Variants in BRINP1 observed in about 807,000 individuals in gnomAD.
BRINP1 encodes the protein BMP/retinoic acid-inducible neural-specific protein 1.
In BRINP1, 17 loss-of-function variants were observed where a neutral mutation model predicts 72.9. The observed-to-expected ratio is 0.23, with a 90% CI of 0.16 to 0.35. The LOEUF is 0.35. Ranked by LOEUF, BRINP1 falls within the 10% of genes least tolerant of loss-of-function variation. The pLI is 1.00. For missense variants in BRINP1, 850 were observed against 1,001.6 expected (o/e 0.85, Z 2.04); for synonymous variants, 418 against 378.5 (o/e 1.10, Z -1.21).
At position 119,241,566 on chromosome 9, in the gene BRINP1, C is replaced by T. The variant is rs536897981; in HGVS notation, c.579+481G>A. Among the ~76,000 whole-genome samples, 10 of 152,220 alleles carry T rather than the reference C, an allele frequency of 6.6e-5. No individual in the cohort carries two copies. The South Asian group carries it at 2.1e-3, about 32-fold the overall frequency. ...AGTTATTCTCTAACTGTATAACCCT[C>T]AGAAAAAGGCTTTAAACCTTTAGCC... On this transcript the variant is annotated intron_variant, in intron 4 of 7. Coordinates refer to ENST00000265922, the MANE Select transcript of BRINP1 (RefSeq NM_014618.3).
At chr9:119,168,429 G>A (rs141670691) in intron 7 of BRINP1, among the ~76,000 whole-genome samples, 7 of 152,226 alleles carry the variant, frequency 4.6e-5, no homozygotes, top group Non-Finnish European at 5.9e-5. Context: ...GCATGACATC[G>A]TACTTTACCT....
intron 5 of BRINP1, among the ~76,000 whole-genome samples, chr9:119,235,390 CTCTG>C (rs1830184142): frequency 6.6e-6 from 1 of 152,114 alleles, no homozygotes; most frequent in Non-Finnish European, 1.5e-5. Flanking sequence ...CATAAAGATC[CTCTG>C]TCTGCCTCTC....
chr9:119,215,270 G>A (rs1028407404), intron 5 of BRINP1, among the ~76,000 whole-genome samples: 1 of 152,166 alleles, frequency 6.6e-6, no homozygotes, highest in Non-Finnish European at 1.5e-5. Flanking sequence ...TCTTAATACA[G>A]AGAGCCAATG....
chr9:119,347,354 C>G (rs534014375), intron 1 of BRINP1, among the ~76,000 whole-genome samples: 1 of 152,294 alleles, frequency 6.6e-6, no homozygotes, highest in African/African-American at 2.4e-5. Context: ...GGGCAAGTCA[C>G]AGAAACCCTT....
chr9:119,298,482 C>T (rs966583484), intron 2 of BRINP1, among the ~76,000 whole-genome samples: 1 of 152,080 alleles, frequency 6.6e-6, no homozygotes, highest in African/African-American at 2.4e-5. Context: ...CCCACCCCTC[C>T]CCTTCTTCCT....
chr9:119,198,925 G>A (rs989241575), intron 7 of BRINP1, among the ~76,000 whole-genome samples: 4 of 152,070 alleles, frequency 2.6e-5, no homozygotes, highest in South Asian at 2.1e-4. Flanking sequence ...TGCTAGCCTC[G>A]GCCTCCCAAA....
At chr9:119,282,741 G>T (rs1830725433) in intron 2 of BRINP1, 1 of 942,056 alleles carries the variant, frequency 1.1e-6, no homozygotes, top group Non-Finnish European at 1.3e-6. Context: ...CAAGAATGTT[G>T]TTCCTTTATT....
At chr9:119,264,040 T>C in intron 2 of BRINP1, among the ~76,000 whole-genome samples, 1 of 152,204 alleles carries the variant, frequency 6.6e-6, no homozygotes, top group Middle Eastern at 3.2e-3. Flanking sequence ...ACAGAGCCCC[T>C]GGAATCTGGC....
chr9:119,186,827 G>A (rs1006458492), intron 7 of BRINP1, among the ~76,000 whole-genome samples: 1 of 152,090 alleles, frequency 6.6e-6, no homozygotes, highest in Non-Finnish European at 1.5e-5. Flanking sequence ...GCCATTCCTG[G>A]TTCTTGTTTC....
At chr9:119,343,288 G>A (rs372093005) in intron 1 of BRINP1, among the ~76,000 whole-genome samples, 5 of 152,186 alleles carry the variant, frequency 3.3e-5, no homozygotes, top group African/African-American at 1.2e-4. Context: ...TCAGTGAAGG[G>A]TGAATTTTAG....
At chr9:119,298,967 AT>A (rs1830910449) in intron 2 of BRINP1, among the ~76,000 whole-genome samples, 1 of 152,090 alleles carries the variant, frequency 6.6e-6, no homozygotes, top group Non-Finnish European at 1.5e-5. Flanking sequence ...AATTGCATAT[AT>A]TTTTGGTATA....
At chr9:119,174,791 AAAATGATGAGTTCATGTCCTTT>A (rs1181313056) in intron 7 of BRINP1, among the ~76,000 whole-genome samples, 3 of 151,872 alleles carry the variant, frequency 2.0e-5, no homozygotes, top group African/African-American at 7.3e-5. Context: ...GCATCCATAA[AAAATGATGAGTTCATGTCCTTT>A]GTAGGGACAT....
At chr9:119,215,800 A>C (rs1332458) in intron 5 of BRINP1, among the ~76,000 whole-genome samples, 151,876 of 152,158 alleles carry the variant, frequency 1, 75,798 homozygotes, top group Middle Eastern at 1. Flanking sequence ...ACGCTGTAGT[A>C]AAAAACCTGG....
chr9:119,354,677 T>G (rs545218173), intron 1 of BRINP1, among the ~76,000 whole-genome samples: 11 of 149,468 alleles, frequency 7.4e-5, no homozygotes. Context: ...CTGGGCAACA[T>G]AGCAAGAACC....
intron 7 of BRINP1, among the ~76,000 whole-genome samples, chr9:119,203,962 G>A (rs1829828356): frequency 6.6e-6 from 1 of 152,128 alleles, no homozygotes. Context: ...AACAGAATGT[G>A]GTACAAATAA....
At chr9:119,237,540 T>G (rs941011787) in intron 5 of BRINP1, among the ~76,000 whole-genome samples, 1 of 151,846 alleles carries the variant, frequency 6.6e-6, no homozygotes, top group Non-Finnish European at 1.5e-5. Flanking sequence ...CTTTTTGTAT[T>G]TTTAGTAGAG....
chr9:119,175,528 AG>A (rs949154575), intron 7 of BRINP1, among the ~76,000 whole-genome samples: 5 of 152,090 alleles, frequency 3.3e-5, no homozygotes, highest in Admixed American at 1.3e-4. Context: ...AATAAAAAAA[AG>A]GGGGGGTTAT....
rs184344674 is a variant in BRINP1 at position 119,326,579 on chromosome 9, G to A, written c.-50-13174C>T. 3.3e-3 allele frequency among the ~76,000 whole-genome samples: 498 copies of A among 152,164 alleles called. 1 individual carries two copies. Among genetic ancestry groups the A allele is most frequent in the Admixed American group, 6.3e-3 (97 of 15,286 alleles). On this transcript the variant is annotated intron_variant, in intron 1 of 7. Coordinates refer to ENST00000265922, the MANE Select transcript of BRINP1 (RefSeq NM_014618.3). ...TGGACCCACATTTAGAAATGTGAGG[G>A]TCTAAATTCAGGGAGACTGCCTTTG...
At chr9:119,285,387 TG>T (rs1358216726) in intron 2 of BRINP1, among the ~76,000 whole-genome samples, 1 of 152,134 alleles carries the variant, frequency 6.6e-6, no homozygotes, top group African/African-American at 2.4e-5. Flanking sequence ...CTGAGTAATT[TG>T]ATTCAACCAT....
Sources: allele counts gnomAD v4.1 joint callset (sites outside exome capture counted in the v4.1 genomes callset), GRCh38; gene constraint gnomAD v4.1.1; transcripts MANE v1.5; gene names NCBI Gene and HGNC (gene_info 2026-07-23, HGNC 2026-07-21).